The following TENM3 variants were observed in gnomAD, a reference collection of about 807,000 sequenced individuals.
TENM3 encodes the protein teneurin transmembrane protein 3, also known as teneurin-3.
A neutral mutation model predicts 255.1 loss-of-function variants in TENM3; 63 were observed. The observed-to-expected ratio is 0.25, with a 90% confidence interval of 0.20 to 0.30. The LOEUF is 0.30. Ranked by LOEUF, TENM3 falls within the 10% of genes least tolerant of loss-of-function variation. The pLI is 1.00. For missense variants in TENM3, 2,929 were observed against 3,461.1 expected (o/e 0.85, Z 3.86); for synonymous variants, 1,306 against 1,322.3 (o/e 0.99, Z 0.27).
Position 182,477,818 on chromosome 4 carries a change from TTA to T in TENM3, c.512-123104_512-123103del, listed in dbSNP as rs768172484. 1.4e-4 allele frequency among the ~76,000 whole-genome samples: 21 copies of T among 152,320 alleles called. 1 individual carries two copies. Among genetic ancestry groups the T allele is most frequent in the East Asian group, 1.2e-3 (6 of 5,178 alleles). ...TTTAATAATCAAATAAAATCATACT[TTA>T]TGTCTTTAAATCATATTTTTAATTA... On this transcript the variant is annotated intron_variant, in intron 3 of 27. Coordinates refer to ENST00000511685, the MANE Select transcript of TENM3 (RefSeq NM_001080477.4).
chr4:182,590,538 C>CAAAAAAAAAAAAAAAAAAA (rs34681777), intron 3 of TENM3, among the ~76,000 whole-genome samples: 2 of 79,960 alleles, frequency 2.5e-5, no homozygotes, highest in Non-Finnish European at 2.2e-5. Flanking sequence ...GACCCTGTCT[C>CAAAAAAAAAAAAAAAAAAA]AAAAAAAAAA....
chr4:182,367,950 G>C (rs993897229), intron 3 of TENM3, among the ~76,000 whole-genome samples: 11 of 152,054 alleles, frequency 7.2e-5, no homozygotes, highest in Non-Finnish European at 1.6e-4. Context: ...TGACCACTCG[G>C]TATCTAATAA....
intron 3 of TENM3, among the ~76,000 whole-genome samples, chr4:182,506,178 A>T (rs909967764): frequency 1.3e-5 from 2 of 152,224 alleles, no homozygotes; most frequent in African/African-American, 4.8e-5. Flanking sequence ...GCTTCACTTT[A>T]GCCCTGTGCA....
At chr4:182,367,199 C>T (rs1368932132) in intron 3 of TENM3, among the ~76,000 whole-genome samples, 2 of 152,088 alleles carry the variant, frequency 1.3e-5, no homozygotes, top group South Asian at 2.1e-4. Flanking sequence ...GACAGCAGTA[C>T]GTACTTATAG....
the TENM3 span, among the ~76,000 whole-genome samples, chr4:182,075,200 C>CTTT: frequency 0.024 from 3,046 of 128,176 alleles, 104 homozygotes; most frequent in African/African-American, 0.033. Context: ...TGTTTTTTTT[C>CTTT]TTTTTTTTTT....
At chr4:182,377,545 C>T (rs544487555) in intron 3 of TENM3, among the ~76,000 whole-genome samples, 1 of 152,222 alleles carries the variant, frequency 6.6e-6, no homozygotes, top group Non-Finnish European at 1.5e-5. Flanking sequence ...AACTCCTGAC[C>T]TCAGGTGATC....
At chr4:182,718,941 T>C (rs1211914343) in intron 13 of TENM3, among the ~76,000 whole-genome samples, 1 of 152,172 alleles carries the variant, frequency 6.6e-6, no homozygotes, top group African/African-American at 2.4e-5. Flanking sequence ...TTAAGATACT[T>C]TTTAACAAGA....
chr4:182,098,699 G>C, the TENM3 span, among the ~76,000 whole-genome samples: 1 of 152,132 alleles, frequency 6.6e-6, no homozygotes, highest in Non-Finnish European at 1.5e-5. Context: ...AGATAAGAAG[G>C]GGGTGGTTAA....
At chr4:182,251,435 T>C (rs1020721988) in intron 1 of TENM3, among the ~76,000 whole-genome samples, 2 of 151,918 alleles carry the variant, frequency 1.3e-5, no homozygotes, top group African/African-American at 4.8e-5. Context: ...ACCACTGAAC[T>C]CCAGCCTGGG....
At chr4:181,461,511 AT>A in the TENM3 span, among the ~76,000 whole-genome samples, 3 of 152,212 alleles carry the variant, frequency 2.0e-5, no homozygotes, top group Non-Finnish European at 2.9e-5. Flanking sequence ...CATATGTTAA[AT>A]AGCTTCCTCT....
At chr4:181,706,287 G>A in the TENM3 span, among the ~76,000 whole-genome samples, 1 of 152,104 alleles carries the variant, frequency 6.6e-6, no homozygotes, top group African/African-American at 2.4e-5. Flanking sequence ...AATTACCTCT[G>A]ATATGACCCC....
At chr4:182,392,906 A>T (rs180840779) in intron 3 of TENM3, among the ~76,000 whole-genome samples, 1 of 152,322 alleles carries the variant, frequency 6.6e-6, no homozygotes, top group African/African-American at 2.4e-5. Flanking sequence ...TGCAAAATTG[A>T]AGAGATAAGA....
the TENM3 span, among the ~76,000 whole-genome samples, chr4:182,035,344 G>T: frequency 6.6e-6 from 1 of 152,236 alleles, no homozygotes; most frequent in East Asian, 1.9e-4. Flanking sequence ...AAACAAATTC[G>T]ATCAGTGAAG....
chr4:181,708,645 G>C, the TENM3 span, among the ~76,000 whole-genome samples: 7,118 of 151,066 alleles, frequency 0.047, 316 homozygotes, highest in Middle Eastern at 0.13. Context: ...CTCCTGATCT[G>C]AGTCCCCAGT....
At chr4:182,447,329 T>A (rs1014935334) in intron 3 of TENM3, among the ~76,000 whole-genome samples, 18 of 152,156 alleles carry the variant, frequency 1.2e-4, no homozygotes, top group African/African-American at 4.3e-4. Context: ...CGTTAGATAT[T>A]TCCATGTATG....
the TENM3 span, among the ~76,000 whole-genome samples, chr4:182,135,204 C>CAAA: frequency 7.1e-3 from 581 of 81,554 alleles, 17 homozygotes; most frequent in East Asian, 8.9e-3. Flanking sequence ...GACTCGGTCT[C>CAAA]AAAAAAAAAA....
chr4:181,504,347 T>C, the TENM3 span, among the ~76,000 whole-genome samples: 5 of 152,228 alleles, frequency 3.3e-5, no homozygotes, highest in Non-Finnish European at 7.3e-5. Flanking sequence ...AATCCTTTTT[T>C]TCTTTTCTCC....
At chr4:181,641,841 T>TATGC in the TENM3 span, among the ~76,000 whole-genome samples, 14 of 119,148 alleles carry the variant, frequency 1.2e-4, no homozygotes, top group Non-Finnish European at 3.4e-5. Flanking sequence ...TATATATATA[T>TATGC]ATGCCACATT....
intron 27 of TENM3, among the ~76,000 whole-genome samples, chr4:182,798,904 A>C (rs913138386): frequency 2.6e-5 from 4 of 152,242 alleles, no homozygotes; most frequent in African/African-American, 9.6e-5. Flanking sequence ...CTGGTGGTAT[A>C]AGAAATGGCT....
Sources: allele counts gnomAD v4.1 joint callset (sites outside exome capture counted in the v4.1 genomes callset), GRCh38; gene constraint gnomAD v4.1.1; transcripts MANE v1.5; gene names NCBI Gene and HGNC (gene_info 2026-07-23, HGNC 2026-07-21).